Variants in IL1RAPL1 observed in about 807,000 individuals in gnomAD.
IL1RAPL1 encodes the protein interleukin 1 receptor accessory protein like 1, also known as interleukin-1 receptor accessory protein-like 1.
In IL1RAPL1, 3 loss-of-function variants were observed where a neutral mutation model predicts 48.4. That is an observed-to-expected ratio of 0.06 (90% CI 0.03 to 0.16). The LOEUF (loss-of-function observed/expected upper bound fraction) is 0.16. Among genes scored for constraint, IL1RAPL1 ranks in the 10% least tolerant of loss-of-function variants. The probability of loss-of-function intolerance (pLI) is 1.00; values close to 1 mark genes in which losing one functional copy is unlikely to be tolerated. For synonymous variants in IL1RAPL1, 185 were observed against 187.7 expected (o/e 0.99, Z 0.12); for missense variants, 349 against 530.6 (o/e 0.66, Z 3.36).
At chrX:29,899,915 C>G (rs753994041) in intron 6 of IL1RAPL1, among the ~76,000 whole-genome samples, 10 of 111,757 alleles carry the variant, frequency 8.9e-5, no homozygotes. Context: ...CTGATTAACT[C>G]AGCACAGAAA....
chrX:28,716,308 A>C (rs1935504074), intron 1 of IL1RAPL1, among the ~76,000 whole-genome samples: 1 of 111,641 alleles, frequency 9.0e-6, no homozygotes, highest in Admixed American at 9.6e-5. Context: ...CATATTCAAC[A>C]TAGTATTGGA....
At chrX:29,158,953 CCT>C (rs758260761) in intron 2 of IL1RAPL1, among the ~76,000 whole-genome samples, 25 of 53,325 alleles carry the variant, frequency 4.7e-4, no homozygotes, top group South Asian at 1.7e-3. Flanking sequence ...CCTCCCTCTC[CCT>C]CTCTCTCTCT....
At chrX:29,317,356 G>A (rs1199772462) in intron 3 of IL1RAPL1, among the ~76,000 whole-genome samples, 1 of 112,029 alleles carries the variant, frequency 8.9e-6, no homozygotes, top group Non-Finnish European at 1.9e-5. Flanking sequence ...AAGGTCAGAG[G>A]GCCAAAGTTT....
chrX:29,734,805 AT>A (rs1569156551), intron 6 of IL1RAPL1, among the ~76,000 whole-genome samples: 3 of 111,269 alleles, frequency 2.7e-5, no homozygotes, highest in Non-Finnish European at 5.7e-5. Flanking sequence ...AGAGATTACA[AT>A]TTGTGAAGGG....
At chrX:28,853,304 G>T (rs182728194) in intron 2 of IL1RAPL1, among the ~76,000 whole-genome samples, 5 of 111,660 alleles carry the variant, frequency 4.5e-5, no homozygotes, top group Non-Finnish European at 9.4e-5. Flanking sequence ...CATTGGTGTC[G>T]AAATAAATAT....
At chrX:29,218,775 A>G (rs190510776) in intron 2 of IL1RAPL1, among the ~76,000 whole-genome samples, 8 of 112,339 alleles carry the variant, frequency 7.1e-5, no homozygotes, top group East Asian at 2.8e-4. Flanking sequence ...GTGATTTAGC[A>G]TTTGTAGTCA....
intron 2 of IL1RAPL1, among the ~76,000 whole-genome samples, chrX:29,055,080 C>T (rs1200822108): frequency 1.8e-5 from 2 of 111,599 alleles, no homozygotes; most frequent in African/African-American, 6.5e-5. Context: ...TTCCAGTTAC[C>T]TAAATATAAG....
intron 1 of IL1RAPL1, among the ~76,000 whole-genome samples, chrX:28,598,658 G>A (rs192037559): frequency 0.081 from 8,003 of 98,591 alleles, 297 homozygotes; most frequent in African/African-American, 0.13. Flanking sequence ...ATGGAGTTTC[G>A]CTCTTTTTTG....
At chrX:29,310,174 A>G (rs1006846899) in intron 3 of IL1RAPL1, among the ~76,000 whole-genome samples, 2 of 98,260 alleles carry the variant, frequency 2.0e-5, no homozygotes, top group African/African-American at 7.4e-5. Context: ...TCGGGAGCTT[A>G]TTAAGGAAAG....
intron 1 of IL1RAPL1, among the ~76,000 whole-genome samples, chrX:28,637,542 A>G (rs749333725): frequency 5.4e-5 from 6 of 111,905 alleles, no homozygotes; most frequent in East Asian, 2.8e-4. Context: ...AGCAGGGCAC[A>G]AGAAGTATTC....
At chrX:29,803,786 C>A (rs773072054) in intron 6 of IL1RAPL1, among the ~76,000 whole-genome samples, 1 of 109,356 alleles carries the variant, frequency 9.1e-6, no homozygotes, top group Non-Finnish European at 1.9e-5. Flanking sequence ...CATAAGTGCT[C>A]AAGTTTGTGT....
chrX:28,805,981 G>A (rs772417885), intron 2 of IL1RAPL1, among the ~76,000 whole-genome samples: 1 of 109,979 alleles, frequency 9.1e-6, no homozygotes, highest in South Asian at 3.9e-4. Context: ...TCTCATCACA[G>A]CACTCTCTAT....
chrX:29,908,138 A>G (rs968266835), intron 6 of IL1RAPL1, among the ~76,000 whole-genome samples: 15 of 111,046 alleles, frequency 1.4e-4, no homozygotes, highest in Non-Finnish European at 2.1e-4. Context: ...TTACCCCACT[A>G]TGGAAAACTG....
At chrX:29,091,512 G>T (rs1928091230) in intron 2 of IL1RAPL1, among the ~76,000 whole-genome samples, 1 of 111,831 alleles carries the variant, frequency 8.9e-6, no homozygotes, top group Non-Finnish European at 1.9e-5. Flanking sequence ...GTTTGATAGA[G>T]AATTTTTGGC....
chrX:28,946,367 T>C (rs1924304496), intron 2 of IL1RAPL1, among the ~76,000 whole-genome samples: 1 of 110,803 alleles, frequency 9.0e-6, no homozygotes, highest in Admixed American at 9.7e-5. Context: ...GTAAGGCCTC[T>C]GAAAATGATG....
intron 5 of IL1RAPL1, among the ~76,000 whole-genome samples, chrX:29,665,133 A>G (rs1925963299): frequency 8.9e-6 from 1 of 112,528 alleles, no homozygotes; most frequent in Non-Finnish European, 1.9e-5. Flanking sequence ...TTTGTGGACA[A>G]AATATGATTA....
At position 28,759,248 on chromosome X, in the gene IL1RAPL1, A is replaced by T. The variant is rs564930726; in HGVS notation, c.-24-30072A>T. On this transcript the variant is annotated intron_variant, in intron 1 of 10. Transcript: ENST00000378993. ...AGTGAAACTCCATCTCAAAAAAAAA[A>T]AATAATAATAATATACGTTGTCCTT... 1.3e-3 allele frequency among the ~76,000 whole-genome samples: 142 copies of T among 109,873 alleles called. 1 individual carries two copies. The South Asian group carries it at 0.014, about 11-fold the overall frequency.
chrX:29,677,034 T>C (rs538691584), intron 6 of IL1RAPL1, among the ~76,000 whole-genome samples: 4 of 112,223 alleles, frequency 3.6e-5, no homozygotes, highest in African/African-American at 1.3e-4. Flanking sequence ...AAAGAGGTTT[T>C]AGAATAAGAG....
At chrX:29,740,140 AAG>A (rs1169538639) in intron 6 of IL1RAPL1, among the ~76,000 whole-genome samples, 4 of 105,136 alleles carry the variant, frequency 3.8e-5, no homozygotes, top group African/African-American at 1.5e-4. Flanking sequence ...AAAAAAAAAA[AAG>A]AAGCAGCAGC....
Sources: gnomAD v4.1 joint callset for allele counts (sites outside exome capture counted in the v4.1 genomes callset) on GRCh38, gnomAD v4.1.1 for gene constraint, MANE v1.5 for transcripts, NCBI Gene and HGNC (gene_info 2026-07-23, HGNC 2026-07-21) for gene names.